The following ACADS variants were observed in gnomAD, a reference collection of about 807,000 sequenced individuals.
ACADS encodes the protein acyl-CoA dehydrogenase short chain.
ACADS carries 28 observed loss-of-function variants against 46.8 expected under a neutral mutation model. That is an observed-to-expected ratio of 0.60 (90% CI 0.44 to 0.82). ACADS has a LOEUF of 0.82. Among genes scored for constraint, ACADS ranks in the 40% least tolerant of loss-of-function variants. ACADS has a pLI of 0.00. For synonymous variants in ACADS, 236 were observed against 237.7 expected (o/e 0.99, Z 0.07); for missense variants, 528 against 578.0 (o/e 0.91, Z 0.89).
At position 120,739,307 on chromosome 12, in the gene ACADS, C is replaced by T; in HGVS notation, c.1098C>T (p.Ile366=). ...TGTTCTCATCTCAGGCCATCCAGAT[C>T]CTGGGCGGCATGGGCTACGTGACAG... ...ATAISHQAIQ[I]LGGMGYVTEM... The change falls in exon 10 of 10, where the codon ATC becomes ATT. Residue 366 remains isoleucine, a synonymous_variant. Coordinates refer to ENST00000242592, the MANE Select transcript of ACADS (RefSeq NM_000017.4). The T allele has an allele frequency of 6.2e-7, 1 of 1,613,046 alleles. No individual in the cohort carries two copies. The highest frequency in any genetic ancestry group is 8.5e-7 in the Non-Finnish European group (1 of 1,179,936).
chr12:120,730,454 G>A (rs886170631), intron 2 of ACADS, among the ~76,000 whole-genome samples: 1 of 152,236 alleles, frequency 6.6e-6, no homozygotes, highest in South Asian at 2.1e-4. Context: ...AGAGGGAGGC[G>A]GCGCTGTGTA....
chr12:120,735,045 G>T (rs1038438527), intron 2 of ACADS, among the ~76,000 whole-genome samples: 1 of 151,338 alleles, frequency 6.6e-6, no homozygotes, highest in African/African-American at 2.4e-5. Context: ...GCTGAGGCAG[G>T]CGCATCACTT....
intron 2 of ACADS, among the ~76,000 whole-genome samples, chr12:120,732,560 G>A (rs1883286870): frequency 6.6e-6 from 1 of 151,584 alleles, no homozygotes; most frequent in South Asian, 2.1e-4. Context: ...CGGTCGGGCA[G>A]AGACACTCCT....
intron 2 of ACADS, among the ~76,000 whole-genome samples, chr12:120,735,271 CAAAAAAAA>C (rs71076650): frequency 7.2e-5 from 4 of 55,652 alleles, no homozygotes; most frequent in Non-Finnish European, 6.3e-5. Context: ...GACTCTGTTT[CAAAAAAAA>C]AAAAAAAAAA....
rs140372512 is a variant in ACADS at position 120,739,099 on chromosome 12, G to A, written c.1030-41G>A. On this transcript the variant is annotated intron_variant, in intron 8 of 9. Transcript: ENST00000242592. The stretch of plus-strand genomic sequence containing the variant: ...GAGTGGGGGAGCAGGGGATGGAGGG[G>A]TCCCCTCAAGGGAAGGCTCTGACTG... The A allele has an allele frequency of 0.015, 23,580 of 1,612,622 alleles. 250 individuals carry two copies. Among genetic ancestry groups the A allele is most frequent in the Middle Eastern group, 0.015 (92 of 6,062 alleles).
At chr12:120,734,753 A>AT (rs34601782) in intron 2 of ACADS, among the ~76,000 whole-genome samples, 9,324 of 136,830 alleles carry the variant, frequency 0.068, 1,008 homozygotes, top group African/African-American at 0.23. Context: ...AAAAACAATA[A>AT]TTTTTTTTTT....
intron 7 of ACADS, 42 bp downstream of exon 7, chr12:120,738,712 A>G (rs574769708): frequency 1.9e-6 from 3 of 1,609,258 alleles, no homozygotes; most frequent in Admixed American, 3.3e-5. Flanking sequence ...GAGGCTGGAC[A>G]GCGGGCGGAG....
chr12:120,731,700 G>T, intron 2 of ACADS, among the ~76,000 whole-genome samples: 1 of 151,724 alleles, frequency 6.6e-6, no homozygotes, highest in East Asian at 1.9e-4. Flanking sequence ...GATTTGGCAG[G>T]GTCATAGGAC....
At chr12:120,738,087 C>G in intron 5 of ACADS, 99 bp downstream of exon 5, 1 of 1,588,968 alleles carries the variant, frequency 6.3e-7, no homozygotes, top group South Asian at 1.1e-5. Context: ...TATTTTTGCT[C>G]TGGGGCAAGT....
intron 4 of ACADS, 125 bp from the exon 5 acceptor site, chr12:120,737,712 C>A (rs2058856142): frequency 4.2e-6 from 6 of 1,413,416 alleles, no homozygotes; most frequent in Non-Finnish European, 5.8e-6. Context: ...GCTTTGGGAC[C>A]CTCATCTTTG....
At chr12:120,727,918 C>T (rs950036386) in intron 2 of ACADS, among the ~76,000 whole-genome samples, 6 of 152,146 alleles carry the variant, frequency 3.9e-5, no homozygotes, top group Non-Finnish European at 7.4e-5. Flanking sequence ...AGCTCATCAG[C>T]GGCAGCCTGC....
chr12:120,728,484 T>A lies in ACADS; in HGVS notation c.210+1295T>A, dbSNP rs567123836. Among the ~76,000 whole-genome samples, 553 of 150,730 alleles carry A rather than the reference T, an allele frequency of 3.7e-3. 5 individuals are homozygous for A. Among genetic ancestry groups the A allele is most frequent in the African/African-American group, 0.012 (494 of 41,244 alleles). On this transcript the variant is annotated intron_variant, in intron 2 of 9. Coordinates refer to ENST00000242592, the MANE Select transcript of ACADS (RefSeq NM_000017.4). This position sits in a 1 kb window ranked among gnomAD's most constrained non-coding sequence, Gnocchi z 4.0. Reference sequence around the variant, plus strand: ...TCTTCTCCTTGCCTGTTTTTTTTTTTAATTTTAATTTTAATTTATTTTTTA... The same window carrying A: ...TCTTCTCCTTGCCTGTTTTTTTTTTAAATTTTAATTTTAATTTATTTTTTA...
At chr12:120,739,248 T>G in intron 9 of ACADS, 48 bp from the exon 10 acceptor site, 5 of 1,612,946 alleles carry the variant, frequency 3.1e-6, no homozygotes, top group Non-Finnish European at 4.2e-6. Flanking sequence ...TCTCCAGCTT[T>G]CCCCACGCCG....
At chr12:120,731,634 TTTTA>T (rs1344867184) in intron 2 of ACADS, among the ~76,000 whole-genome samples, 13 of 151,930 alleles carry the variant, frequency 8.6e-5, no homozygotes, top group Admixed American at 2.0e-4. Context: ...CTTGTATTTA[TTTTA>T]TTTTATTTTA....
rs1449953678 is a variant in ACADS at position 120,727,019 on chromosome 12, C to T, written c.47-7C>T. 1 of 1,614,140 alleles carries T rather than the reference C, an allele frequency of 6.2e-7. No individual in the cohort carries two copies. Among genetic ancestry groups the T allele is most frequent in the Non-Finnish European group, 8.5e-7 (1 of 1,180,032 alleles). On this transcript the variant is annotated splice_region_variant and splice_polypyrimidine_tract_variant and intron_variant, in intron 1 of 9. Coordinates refer to ENST00000242592, the MANE Select transcript of ACADS (RefSeq NM_000017.4). ...CTCCTTCCACTCACTTCTGCCCTTGCCGGCAGCTCTCTGTCCTAGGGCCTG... is the reference window on the plus strand; with the variant it reads ...CTCCTTCCACTCACTTCTGCCCTTGTCGGCAGCTCTCTGTCCTAGGGCCTG...
At chr12:120,735,101 G>T (rs1435822849) in intron 2 of ACADS, among the ~76,000 whole-genome samples, 27 of 148,112 alleles carry the variant, frequency 1.8e-4, no homozygotes, top group African/African-American at 6.4e-4. Context: ...GTGAAACCTG[G>T]TCTCTACCAA....
chr12:120,739,340 G>A lies in ACADS; in HGVS notation c.1131G>A (p.Pro377=), dbSNP rs374867417. The A allele has an allele frequency of 8.7e-6, 14 of 1,612,938 alleles. No homozygotes were observed. Among genetic ancestry groups the A allele is most frequent in the South Asian group, 3.3e-5 (3 of 91,082 alleles). ...LGGMGYVTEM[P]AERHYRDARI... is the part of the protein sequence containing the mutation. The stretch of plus-strand genomic sequence containing the variant: ...GCATGGGCTACGTGACAGAGATGCC[G>A]GCAGAGCGGCACTACCGCGACGCCC... Residue 377 remains proline (P), a synonymous_variant, in exon 10 of 10, where the codon CCG becomes CCA. Transcript: ENST00000242592.
intron 7 of ACADS, 68 bp from the exon 8 acceptor site, chr12:120,738,752 C>T: frequency 1.2e-6 from 2 of 1,610,936 alleles, no homozygotes; most frequent in East Asian, 2.2e-5. Flanking sequence ...TCTCCGTCCT[C>T]CTCCCCCTCC....
rs1482609511 is a variant in ACADS, at chr12:120,737,875, C to CG, written c.514dup (p.Ala172GlyfsTer73). On this transcript the variant is annotated frameshift_variant, in exon 5 of 10. Coordinates refer to ENST00000242592, the MANE Select transcript of ACADS (RefSeq NM_000017.4). LOFTEE classifies it high-confidence loss of function. ...TGCAGGAGCTGCGTCCACCACCGCC[C>CG]GGGCCGAGGGCGACTCATGGGTTCT... The CG allele has an allele frequency of 9.3e-6, 15 of 1,613,802 alleles. No homozygotes were observed. The highest frequency in any genetic ancestry group is 6.8e-6 in the Non-Finnish European group (8 of 1,179,898).
Sources: allele counts gnomAD v4.1 joint callset (sites outside exome capture counted in the v4.1 genomes callset), GRCh38; gene constraint gnomAD v4.1.1; non-coding constraint Gnocchi (gnomAD v3.1); transcripts MANE v1.5; gene names NCBI Gene and HGNC (gene_info 2026-07-23, HGNC 2026-07-21).